ATF7IP2: variants seen among roughly 807,000 people sequenced by gnomAD.
ATF7IP2 encodes the protein activating transcription factor 7 interacting protein 2.
In ATF7IP2, 42 loss-of-function variants were observed where a neutral mutation model predicts 64.2. The ratio of observed to expected loss-of-function variants is 0.65; its 90% CI spans 0.51 to 0.85. The LOEUF is 0.85. ATF7IP2 is among the 40% of genes least tolerant of loss of function. The pLI, the probability that ATF7IP2 is intolerant of heterozygous loss-of-function variation, is 0.00. For missense variants in ATF7IP2, 933 were observed against 784.2 expected (o/e 1.19, Z -2.27); for synonymous variants, 308 against 272.8 (o/e 1.13, Z -1.27).
intron 9 of ATF7IP2, among the ~76,000 whole-genome samples, chr16:10,461,547 T>C (rs1596582090): frequency 2.0e-5 from 3 of 152,080 alleles, no homozygotes; most frequent in South Asian, 4.1e-4. Flanking sequence ...CATGCAACAG[T>C]ATGGATTATT....
chr16:10,405,027 C>A (rs113800670), intron 1 of ATF7IP2, among the ~76,000 whole-genome samples: 1,554 of 152,020 alleles, frequency 0.01, 31 homozygotes, highest in African/African-American at 0.036. Flanking sequence ...GTAAGTAGAC[C>A]CTCCCTATAA....
At chr16:10,460,257 G>A (rs143570957) in intron 9 of ATF7IP2, among the ~76,000 whole-genome samples, 2 of 152,194 alleles carry the variant, frequency 1.3e-5, no homozygotes, top group African/African-American at 2.4e-5. Flanking sequence ...AATGTAAAAC[G>A]TTAGATATTA....
At chr16:10,420,024 GTC>G (rs1344024260) in intron 3 of ATF7IP2, among the ~76,000 whole-genome samples, 1 of 152,238 alleles carries the variant, frequency 6.6e-6, no homozygotes, top group Non-Finnish European at 1.5e-5. Flanking sequence ...ATGTCCTGTA[GTC>G]TCTGTTTCCC....
intron 3 of ATF7IP2, 26 bp from the exon 4 acceptor site, chr16:10,428,842 A>G (rs188304569): frequency 1.3e-5 from 2 of 151,960 alleles, no homozygotes; most frequent in Admixed American, 1.3e-4. Flanking sequence ...TAAATTCACC[A>G]TATATTTATT....
chr16:10,401,237 G>T (rs546983196), intron 1 of ATF7IP2, among the ~76,000 whole-genome samples: 5 of 151,182 alleles, frequency 3.3e-5, no homozygotes, highest in African/African-American at 4.9e-5. Context: ...GTGTGATCTC[G>T]GCTCACTGCA....
intron 8 of ATF7IP2, chr16:10,449,122 T>A (rs1240096602): frequency 6.6e-6 from 1 of 152,190 alleles, no homozygotes; most frequent in African/African-American, 2.4e-5. Context: ...TTTATTGATT[T>A]GTGTATGTTG....
intron 5 of ATF7IP2, among the ~76,000 whole-genome samples, chr16:10,432,209 T>C (rs2048282773): frequency 6.6e-6 from 1 of 151,984 alleles, no homozygotes; most frequent in African/African-American, 2.4e-5. Flanking sequence ...TTCACACATG[T>C]GTATATGTGT....
At chr16:10,400,904 G>C (rs111486098) in intron 1 of ATF7IP2, among the ~76,000 whole-genome samples, 6 of 152,048 alleles carry the variant, frequency 3.9e-5, no homozygotes, top group African/African-American at 1.2e-4. Context: ...GGCTGGTCTC[G>C]AACTCTTAAC....
chr16:10,468,251 T>TA (rs1181388210), intron 9 of ATF7IP2, among the ~76,000 whole-genome samples: 2 of 152,330 alleles, frequency 1.3e-5, no homozygotes, highest in East Asian at 3.9e-4. Context: ...TGGCAAATGT[T>TA]AGAGTCCCAT....
intron 6 of ATF7IP2, among the ~76,000 whole-genome samples, chr16:10,433,912 C>T (rs1218702538): frequency 6.6e-6 from 1 of 152,128 alleles, no homozygotes; most frequent in Non-Finnish European, 1.5e-5. Context: ...AGAGAATGGG[C>T]TTTCAGTCAG....
Position 10,430,675 on chromosome 16 carries a change from C to T in ATF7IP2, c.55C>T (p.Pro19Ser), listed in dbSNP as rs759213745. 9.3e-6 allele frequency: 15 copies of T among 1,614,000 alleles called. No homozygotes were observed. The South Asian group carries it at 1.5e-4, about 17-fold the overall frequency. ...RKILKAKKTMPLSCRKQVEML... is the reference protein window; with the variant it reads ...RKILKAKKTMSLSCRKQVEML... Reference sequence around the variant, plus strand: ...GATATTAAAAGCCAAAAAGACAATGCCCCTAAGTTGCCGGAAGCAAGTAGA... The same window carrying T: ...GATATTAAAAGCCAAAAAGACAATGTCCCTAAGTTGCCGGAAGCAAGTAGA... Residue 19 changes from proline to serine, a missense_variant, in exon 5 of 14, where the codon CCC becomes TCC. Physicochemically the swap from Pro to Ser is moderately conservative, Grantham distance 74. Coordinates refer to ENST00000562102, the MANE Select transcript of ATF7IP2 (RefSeq NM_001393719.1).
At chr16:10,427,444 C>T (rs1167409620) in intron 3 of ATF7IP2, among the ~76,000 whole-genome samples, 1 of 152,136 alleles carries the variant, frequency 6.6e-6, no homozygotes, top group African/African-American at 2.4e-5. Context: ...GGTAAAACTG[C>T]TCCAGGAAAT....
chr16:10,481,355 C>T (rs955667315), intron 13 of ATF7IP2, among the ~76,000 whole-genome samples: 3 of 37,068 alleles, frequency 8.1e-5, no homozygotes, highest in African/African-American at 2.3e-4. Context: ...CTCAGCCTCC[C>T]GAGTAGCTGG....
chr16:10,443,710 G>A (rs1193732085), intron 8 of ATF7IP2, among the ~76,000 whole-genome samples: 3 of 152,166 alleles, frequency 2.0e-5, no homozygotes, highest in Non-Finnish European at 4.4e-5. Context: ...GGTAGGAGGT[G>A]GAGAATGGTG....
rs138524305 is a variant in ATF7IP2, at chr16:10,472,145, G to A, written c.1388G>A (p.Ser463Asn). Residue 463 changes from serine to asparagine, a missense_variant, in exon 10 of 14, where the codon AGT becomes AAT. Ser to Asn is a conservative substitution (Grantham distance 46). Coordinates refer to ENST00000562102, the MANE Select transcript of ATF7IP2 (RefSeq NM_001393719.1). Reference sequence around the variant, plus strand: ...GATGTTATGTTGATTTCTGTGGAAAGTCCTAATTTGACAACTCCAATTACA... The same window carrying A: ...GATGTTATGTTGATTTCTGTGGAAAATCCTAATTTGACAACTCCAATTACA... ...NDDVMLISVESPNLTTPITSN... is the reference protein window; with the variant it reads ...NDDVMLISVENPNLTTPITSN... The A allele has an allele frequency of 6.4e-7, 1 of 1,573,864 alleles. No homozygotes were observed. The highest frequency in any genetic ancestry group is 1.2e-5 in the South Asian group (1 of 86,850).
chr16:10,391,705 C>G (rs2047328422), intron 1 of ATF7IP2, among the ~76,000 whole-genome samples: 1 of 152,068 alleles, frequency 6.6e-6, no homozygotes, highest in Non-Finnish European at 1.5e-5. Context: ...CAAGTCCAGC[C>G]TAGCCAACAT....
At chr16:10,411,017 T>TA (rs2141812861) in intron 1 of ATF7IP2, among the ~76,000 whole-genome samples, 1 of 152,194 alleles carries the variant, frequency 6.6e-6, no homozygotes, top group African/African-American at 2.4e-5. Context: ...GTATCACATT[T>TA]ATTGAATTGC....
intron 1 of ATF7IP2, among the ~76,000 whole-genome samples, chr16:10,412,652 G>T (rs572959112): frequency 5.9e-5 from 9 of 152,314 alleles, no homozygotes; most frequent in African/African-American, 2.2e-4. Context: ...ATATTCTGCA[G>T]TTGTTGGGTA....
chr16:10,398,640 A>G (rs1391394869), intron 1 of ATF7IP2, among the ~76,000 whole-genome samples: 2 of 152,224 alleles, frequency 1.3e-5, no homozygotes, highest in African/African-American at 4.8e-5. Flanking sequence ...AAGAACATGA[A>G]TAAACCTGAA....
Sources: gnomAD v4.1 joint callset for allele counts (sites outside exome capture counted in the v4.1 genomes callset) on GRCh38, gnomAD v4.1.1 for gene constraint, MANE v1.5 for transcripts, NCBI Gene and HGNC (gene_info 2026-07-23, HGNC 2026-07-21) for gene names.